The following DHRSX variants were observed in gnomAD, a reference collection of about 807,000 sequenced individuals.
DHRSX encodes the protein dehydrogenase/reductase X-linked.
A neutral mutation model predicts 34.0 loss-of-function variants in DHRSX; 31 were observed. The ratio of observed to expected loss-of-function variants is 0.91; its 90% CI spans 0.69 to 1.23. The LOEUF is 1.23. Among genes scored for constraint, DHRSX ranks in the 50% most tolerant of loss-of-function variants. The pLI is 0.00. For synonymous variants in DHRSX, 201 were observed against 183.8 expected, an observed-to-expected ratio of 1.09 and a Z score of -0.76; for missense variants, 414 against 428.1, an observed-to-expected ratio of 0.97 and a Z score of 0.29.
At chrX:2,496,903 A>T (rs1239686154) in intron 1 of DHRSX, among the ~76,000 whole-genome samples, 1 of 149,338 alleles carries the variant, frequency 6.7e-6, no homozygotes. Context: ...ATAAAAATAA[A>T]ATATAAAAAC....
At chrX:2,372,612 G>T (rs369725294) in intron 3 of DHRSX, among the ~76,000 whole-genome samples, 3 of 144,688 alleles carry the variant, frequency 2.1e-5, no homozygotes, top group Non-Finnish European at 4.5e-5. Context: ...TTCCTTCTTT[G>T]TTTTTTTTTT....
intron 6 of DHRSX, among the ~76,000 whole-genome samples, chrX:2,237,847 G>C (rs1157032213): frequency 6.6e-6 from 1 of 152,024 alleles, no homozygotes; most frequent in Non-Finnish European, 1.5e-5. Flanking sequence ...AGACAACTGG[G>C]GTGGGAAGAG....
At chrX:2,450,610 T>C (rs1390893300) in intron 1 of DHRSX, among the ~76,000 whole-genome samples, 1 of 152,066 alleles carries the variant, frequency 6.6e-6, no homozygotes, top group Non-Finnish European at 1.5e-5. Context: ...GTACCACCTA[T>C]ATTTTACCGT....
chrX:2,365,793 G>C (rs897035050), intron 3 of DHRSX, among the ~76,000 whole-genome samples: 1 of 152,098 alleles, frequency 6.6e-6, no homozygotes, highest in Admixed American at 6.6e-5. Context: ...ACCGGGGCCT[G>C]TCGGGAGGTG....
chrX:2,437,614 GA>G (rs2044007967), intron 1 of DHRSX, among the ~76,000 whole-genome samples: 1 of 55,736 alleles, frequency 1.8e-5, no homozygotes. Context: ...AAAAAAAAAA[GA>G]AGAAGAAAAA....
chrX:2,284,921 AG>A (rs2041786539), intron 4 of DHRSX, among the ~76,000 whole-genome samples: 1 of 152,216 alleles, frequency 6.6e-6, no homozygotes. Flanking sequence ...AAAAAAGAAA[AG>A]CACGAAGTGT....
intron 3 of DHRSX, among the ~76,000 whole-genome samples, chrX:2,346,789 T>G (rs977356301): frequency 6.6e-6 from 1 of 152,002 alleles, no homozygotes; most frequent in African/African-American, 2.4e-5. Flanking sequence ...CCTAATGCTA[T>G]CCCTCCCCCA....
intron 3 of DHRSX, among the ~76,000 whole-genome samples, chrX:2,335,520 G>A (rs1189228690): frequency 2.0e-5 from 3 of 151,774 alleles, no homozygotes; most frequent in Admixed American, 6.6e-5. Flanking sequence ...GCGCGACCTC[G>A]GCTCACTGCA....
At chrX:2,241,330 C>T (rs770185462) in intron 6 of DHRSX, among the ~76,000 whole-genome samples, 2 of 152,240 alleles carry the variant, frequency 1.3e-5, no homozygotes, top group East Asian at 1.9e-4. Context: ...CCCCAAAGTA[C>T]GGTGCTTTGT....
chrX:2,336,599 G>GTTTTTTT (rs1393449765), intron 3 of DHRSX, among the ~76,000 whole-genome samples: 1 of 143,968 alleles, frequency 6.9e-6, no homozygotes, highest in Non-Finnish European at 1.5e-5. Flanking sequence ...TTTGTTTTTT[G>GTTTTTTT]TTTTGTTTTT....
intron 3 of DHRSX, among the ~76,000 whole-genome samples, chrX:2,386,363 C>A (rs2043272471): frequency 6.6e-6 from 1 of 152,028 alleles, no homozygotes; most frequent in South Asian, 2.1e-4. Context: ...GGATTACAGG[C>A]CTGTGCCACC....
At chrX:2,317,159 C>CGTTTGTCA (rs1387877031) in intron 3 of DHRSX, among the ~76,000 whole-genome samples, 1 of 151,886 alleles carries the variant, frequency 6.6e-6, no homozygotes, top group Non-Finnish European at 1.5e-5. Context: ...GCTTTCACCA[C>CGTTTGTCA]GTTTGTCAGG....
rs1465980493 is a variant in DHRSX at position 2,449,232 on chromosome X, G to A, written c.110-23928C>T. ...TGTCCACTCTGCACCCTGACCAGAA[G>A]AGACGACCTTCAAATGATCACACGA... On this transcript the variant is annotated intron_variant, in intron 1 of 6. Coordinates refer to ENST00000334651, the MANE Select transcript of DHRSX (RefSeq NM_145177.3). Among the ~76,000 whole-genome samples the A allele has an allele frequency of 3.3e-5, 5 of 151,856 alleles. No homozygotes were observed. In the East Asian group the frequency reaches 9.7e-4, roughly 29 times the overall value.
chrX:2,243,502 T>A (rs996136960), intron 5 of DHRSX, among the ~76,000 whole-genome samples: 1 of 152,142 alleles, frequency 6.6e-6, no homozygotes, highest in African/African-American at 2.4e-5. Flanking sequence ...TTATTTATTT[T>A]GGAGACAGAG....
At position 2,496,677 on chromosome X, in the gene DHRSX, C is replaced by T. The variant is rs747176623; in HGVS notation, c.109+4140G>A. On this transcript the variant is annotated intron_variant, in intron 1 of 6. Transcript: ENST00000334651. ...TAAAAGAGATTTTAAATGTTCCCACCGCAAAGGAAAAATAGCGGGTGATAG... is the reference window on the plus strand; with the variant it reads ...TAAAAGAGATTTTAAATGTTCCCACTGCAAAGGAAAAATAGCGGGTGATAG... Among the ~76,000 whole-genome samples the T allele has an allele frequency of 3.3e-5, 5 of 151,924 alleles. No individual in the cohort carries two copies. In the East Asian group the frequency reaches 7.7e-4, roughly 23 times the overall value.
At chrX:2,301,427 G>A (rs1370008956) in intron 3 of DHRSX, among the ~76,000 whole-genome samples, 1 of 152,114 alleles carries the variant, frequency 6.6e-6, no homozygotes, top group Non-Finnish European at 1.5e-5. Context: ...AAAAAGCTGT[G>A]TAAATACATG....
At chrX:2,366,120 G>A (rs776951049) in intron 3 of DHRSX, among the ~76,000 whole-genome samples, 30 of 152,146 alleles carry the variant, frequency 2.0e-4, no homozygotes, top group Non-Finnish European at 4.3e-4. Context: ...CCCCTACGAC[G>A]GCTGATGGCA....
intron 3 of DHRSX, chrX:2,336,428 C>A (rs866940926): frequency 6.6e-6 from 1 of 152,158 alleles, no homozygotes; most frequent in South Asian, 2.1e-4. Context: ...TATCTAGCAA[C>A]AAGGTTAACT....
chrX:2,497,285 C>A (rs758203329), intron 1 of DHRSX, among the ~76,000 whole-genome samples: 5 of 151,814 alleles, frequency 3.3e-5, no homozygotes, highest in African/African-American at 1.2e-4. Context: ...CCCAGCTACT[C>A]GGGAGGCTGA....
Sources: gnomAD v4.1 joint callset for allele counts (sites outside exome capture counted in the v4.1 genomes callset) on GRCh38, gnomAD v4.1.1 for gene constraint, MANE v1.5 for transcripts, NCBI Gene and HGNC (gene_info 2026-07-23, HGNC 2026-07-21) for gene names.